Variants in AMOT observed in about 807,000 individuals in gnomAD.
The protein encoded by AMOT is angiomotin.
In AMOT, 11 loss-of-function variants were observed where a neutral mutation model predicts 67.0. That is an observed-to-expected ratio of 0.16 (90% CI 0.10 to 0.27). The LOEUF (loss-of-function observed/expected upper bound fraction) is 0.27. AMOT is among the 10% of genes least tolerant of loss of function. The pLI, the probability that AMOT is intolerant of heterozygous loss-of-function variation, is 1.00. For synonymous variants in AMOT, 326 were observed against 321.4 expected, an observed-to-expected ratio of 1.01 and a Z score of -0.15; for missense variants, 753 against 852.0, an observed-to-expected ratio of 0.88 and a Z score of 1.45.
chrX:112,840,053 C>A (rs1275036391), intron 1 of AMOT, among the ~76,000 whole-genome samples: 1 of 111,506 alleles, frequency 9.0e-6, no homozygotes, highest in Non-Finnish European at 1.9e-5. Flanking sequence ...CAAGCCTAAG[C>A]ACTTAGCAGA....
rs1268022325 is a variant in AMOT at position 112,779,453 on chromosome X, C to T, written c.2701G>A (p.Ala901Thr). 7.5e-6 allele frequency: 9 copies of T among 1,195,813 alleles called. No individual in the cohort carries two copies. Among genetic ancestry groups the T allele is most frequent in the Non-Finnish European group, 1.0e-5 (9 of 886,303 alleles). The change falls in exon 13 of 14, where the codon GCC becomes ACC. Residue 901 changes from alanine to threonine, a missense_variant. Physicochemically the swap from Ala to Thr is moderately conservative, Grantham distance 58. Around this residue, in one of 5 missense-constraint regions of AMOT, gnomAD observed 269 missense variants for 300.9 expected, o/e 0.89. Transcript: ENST00000371959. ...GCTACCATGGTGGTGGTGATGGTGG[C>T]AGCAGTGGCAGTGATGGCGGCAGCA... ...ATAAAITATA[A>T]TITTTMVAAA...
intron 6 of AMOT, 106 bp downstream of exon 6, chrX:112,811,143 T>C (rs1054997143): frequency 2.2e-5 from 23 of 1,046,485 alleles, no homozygotes; most frequent in Middle Eastern, 3.0e-4. Flanking sequence ...CCCATACCGG[T>C]GGGTTGGACA....
At chrX:112,833,241 G>A (rs1392469248) in intron 1 of AMOT, among the ~76,000 whole-genome samples, 1 of 110,859 alleles carries the variant, frequency 9.0e-6, no homozygotes, top group African/African-American at 3.3e-5. Context: ...TACTGCAAAT[G>A]GCCCTAAAAT....
Position 112,778,362 on chromosome X carries a change from C to T in AMOT, c.*205G>A, listed in dbSNP as rs780868899. The T allele has an allele frequency of 1.4e-4, 47 of 333,074 alleles. No individual in the cohort carries two copies. Among genetic ancestry groups the T allele is most frequent in the Non-Finnish European group, 3.7e-5 (7 of 188,398 alleles). The allele number at this position is 333,074 out of a possible 1,213,427, so 27.4% of individuals were successfully genotyped here. A position where few individuals can be genotyped will look rare whatever the true frequency, so the allele number is the denominator to read the frequency against. On this transcript the variant is annotated 3_prime_UTR_variant, in exon 14 of 14. Coordinates refer to ENST00000371959, the MANE Select transcript of AMOT (RefSeq NM_001113490.2). Reference sequence around the variant, plus strand: ...TTAGAGCACATTCTGATTAATCTGTCTTTAGAGGTACTCCCTAAGCATACC... The same window carrying T: ...TTAGAGCACATTCTGATTAATCTGTTTTTAGAGGTACTCCCTAAGCATACC...
Position 112,840,705 on chromosome X carries a change from A to C in AMOT, c.-542T>G, listed in dbSNP as rs1935271867. 8.8e-6 allele frequency: 1 copy of C among 113,277 alleles called. No homozygotes were observed. The highest frequency in any genetic ancestry group is 9.3e-5 in the Admixed American group (1 of 10,800). The allele number at this position is 113,277 out of a possible 1,213,427, so 9.3% of individuals were successfully genotyped here. A position where few individuals can be genotyped will look rare whatever the true frequency, so the allele number is the denominator to read the frequency against. ...GGGGGAGGCGGAGAGAACTAAGAGA[A>C]GAGGAGGCGAAAGAGAGCGGAGATG... On this transcript the variant is annotated 5_prime_UTR_variant, in exon 1 of 14. Transcript: ENST00000371959.
chrX:112,780,923 T>C lies in AMOT; in HGVS notation c.2436A>G (p.Glu812=). ...SSTLTGSPIM[E]EKRDDKSWKG... is the part of the protein sequence containing the mutation. Reference sequence around the variant, plus strand: ...TCCAGCTCTTGTCGTCTCGCTTTTCTTCCATGATGGGGGAGCCAGTCAGGG... The same window carrying C: ...TCCAGCTCTTGTCGTCTCGCTTTTCCTCCATGATGGGGGAGCCAGTCAGGG... The change falls in exon 12 of 14, where the codon GAA becomes GAG. Residue 812 remains glutamate, a synonymous_variant. Transcript: ENST00000371959. 1 of 1,212,114 alleles carries C rather than the reference T, an allele frequency of 8.3e-7. No homozygotes were observed. Among genetic ancestry groups the C allele is most frequent in the Non-Finnish European group, 1.1e-6 (1 of 895,571 alleles).
In AMOT at chrX:112,804,044, T is replaced by C. The variant is rs1016237605; in HGVS notation, c.1776+903A>G. Among the ~76,000 whole-genome samples the C allele has an allele frequency of 2.7e-5, 3 of 111,660 alleles. No individual in the cohort carries two copies. The Admixed American group carries it at 2.9e-4, about 11-fold the overall frequency. On this transcript the variant is annotated intron_variant, in intron 8 of 13. Coordinates refer to ENST00000371959, the MANE Select transcript of AMOT (RefSeq NM_001113490.2). ...AATAACAACTGACATCCAAGATAAATTAATGACAAGCCAGCAGCAAATTTC... is the reference window on the plus strand; with the variant it reads ...AATAACAACTGACATCCAAGATAAACTAATGACAAGCCAGCAGCAAATTTC...
At position 112,823,013 on chromosome X, in the gene AMOT, G is replaced by T. The variant is rs913284846; in HGVS notation, c.114C>A (p.His38Gln). ...GAGGGCCATTCCCTGTGGCTTGCTG[G>T]TGTATGGCAAGCAGGCTGCGATTCT... ...PSENRSLLAI[H>Q]QQATGNGPPF... Residue 38 changes from histidine (H) to glutamine (Q), a missense_variant, in exon 4 of 14, where the codon CAC (histidine) becomes CAA (glutamine). Coordinates refer to ENST00000371959, the MANE Select transcript of AMOT (RefSeq NM_001113490.2). 1 of 1,167,701 alleles carries T rather than the reference G, an allele frequency of 8.6e-7. No individual in the cohort carries two copies. Among genetic ancestry groups the T allele is most frequent in the Non-Finnish European group, 1.1e-6 (1 of 873,086 alleles).
Position 112,811,302 on chromosome X carries a change from T to C in AMOT, c.1484A>G (p.Asn495Ser), listed in dbSNP as rs1355925432. ...CCTCCGAATCTCGCCCTCTAGCTTGTTTCTCATGGCTTTCTCTAGGGCCTC... is the reference window on the plus strand; with the variant it reads ...CCTCCGAATCTCGCCCTCTAGCTTGCTTCTCATGGCTTTCTCTAGGGCCTC... The part of the protein sequence containing the change: ...KREALEKAMR[N>S]KLEGEIRRMH... Residue 495 changes from asparagine (N) to serine (S), a missense_variant, in exon 6 of 14, where the codon AAC becomes AGC. Physicochemically the swap from Asn to Ser is conservative, Grantham distance 46. Around this residue, in one of 5 missense-constraint regions of AMOT, gnomAD observed 297 missense variants for 284.3 expected, o/e 1.04. Transcript: ENST00000371959. 1.7e-6 allele frequency: 2 copies of C among 1,209,339 alleles called. No individual in the cohort carries two copies. Among genetic ancestry groups the C allele is most frequent in the South Asian group, 3.5e-5 (2 of 56,660 alleles).
chrX:112,790,121 C>T (rs112657729), intron 10 of AMOT, among the ~76,000 whole-genome samples: 25 of 105,633 alleles, frequency 2.4e-4, no homozygotes, highest in African/African-American at 7.6e-4. Flanking sequence ...TCCCAAAGGG[C>T]AGGGATGGGT....
intron 10 of AMOT, among the ~76,000 whole-genome samples, chrX:112,790,293 T>C (rs1933523813): frequency 9.1e-6 from 1 of 109,618 alleles, no homozygotes; most frequent in Admixed American, 1.0e-4. Context: ...TGAAAGAATC[T>C]GTGGCTCTGG....
intron 8 of AMOT, among the ~76,000 whole-genome samples, chrX:112,804,677 G>T (rs1360596032): frequency 1.8e-5 from 2 of 111,456 alleles, no homozygotes; most frequent in Non-Finnish European, 3.8e-5. Context: ...TTGGAATATG[G>T]GGGCAGTGAG....
chrX:112,783,896 A>G (rs1432424044), intron 10 of AMOT, among the ~76,000 whole-genome samples: 1 of 110,881 alleles, frequency 9.0e-6, no homozygotes, highest in African/African-American at 3.3e-5. Flanking sequence ...GTTGGGAGCT[A>G]ACTATGTTCT....
chrX:112,781,169 C>T (rs1933152196), intron 11 of AMOT, 51 bp from the exon 12 acceptor site: 12 of 1,107,206 alleles, frequency 1.1e-5, no homozygotes, highest in Admixed American at 4.5e-5. Context: ...GGGCTGGGCG[C>T]GGTGGCTTAC....
At chrX:112,791,754 C>G (rs1467564563) in intron 9 of AMOT, 78 bp downstream of exon 9, 1 of 1,137,402 alleles carries the variant, frequency 8.8e-7, no homozygotes, top group Admixed American at 2.3e-5. Context: ...ATGTCAAATG[C>G]TAACTGAAAA....
rs768189542 is a variant in AMOT at position 112,779,414 on chromosome X, C to A, written c.2740G>T (p.Ala914Ser). ...TTTMVAAAPVAVAAAAAPAAA... is the reference protein window; with the variant it reads ...TTTMVAAAPVSVAAAAAPAAA... ...GCTGGAGCAGCAGCAGCAGCAACAG[C>A]AACTGGAGCAGCAGCTACCATGGTG... is the stretch of plus-strand genomic sequence containing the variant. Residue 914 changes from alanine to serine, a missense_variant, in exon 13 of 14, where the codon GCT becomes TCT. Transcript: ENST00000371959. The A allele has an allele frequency of 6.3e-6, 7 of 1,111,406 alleles. No homozygotes were observed. The South Asian group carries it at 1.1e-4, about 18-fold the overall frequency. 91.6% of individuals were successfully genotyped at this position (1,111,406 alleles called of 1,213,427 possible).
Position 112,779,569 on chromosome X carries a change from C to A in AMOT, c.2585G>T (p.Cys862Phe). Residue 862 changes from cysteine to phenylalanine, a missense_variant, in exon 13 of 14, where the codon TGC becomes TTC. Cys to Phe is a radical substitution (Grantham distance 205). Around this residue, in one of 5 missense-constraint regions of AMOT, gnomAD observed 269 missense variants for 300.9 expected, o/e 0.89. Transcript: ENST00000371959. ...CGTCCCACGTTCAGTTTGGGTACTG[C>A]AGTCTCGGCTGCCTGTCTTGGAGTG... ...SAHSKTGSRD[C>F]STQTERGTES... The A allele has an allele frequency of 8.3e-7, 1 of 1,211,226 alleles. No homozygotes were observed. Among genetic ancestry groups the A allele is most frequent in the East Asian group, 3.0e-5 (1 of 33,828 alleles).
intron 4 of AMOT, among the ~76,000 whole-genome samples, chrX:112,816,831 T>C (rs1711877000): frequency 8.9e-6 from 1 of 112,164 alleles, no homozygotes; most frequent in South Asian, 3.8e-4. Flanking sequence ...AAGAGACCTT[T>C]GGTACATTGT....
chrX:112,812,930 T>C (rs1273623761), intron 5 of AMOT, among the ~76,000 whole-genome samples: 1 of 112,703 alleles, frequency 8.9e-6, no homozygotes, highest in Non-Finnish European at 1.9e-5. Flanking sequence ...TCTTCACAGA[T>C]GGCACCAAGA....
Sources: allele counts gnomAD v4.1 joint callset (sites outside exome capture counted in the v4.1 genomes callset), GRCh38; gene constraint gnomAD v4.1.1; regional missense constraint gnomAD v4.1.1; transcripts MANE v1.5; gene names NCBI Gene and HGNC (gene_info 2026-07-23, HGNC 2026-07-21).